Variants in NELL1 observed in about 807,000 individuals in gnomAD.
The protein encoded by NELL1 is protein kinase C-binding protein NELL1.
In NELL1, 76 loss-of-function variants were observed where a neutral mutation model predicts 107.4. That is an observed-to-expected ratio of 0.71 (90% confidence interval 0.59 to 0.86). The LOEUF (loss-of-function observed/expected upper bound fraction) is 0.86, where lower values mean the gene tolerates loss of function less well. Among genes scored for constraint, NELL1 ranks in the 40% least tolerant of loss-of-function variants. NELL1 has a pLI of 0.00. For missense variants in NELL1, 1,024 were observed against 1,005.5 expected (o/e 1.02, Z -0.25); for synonymous variants, 353 against 341.2 (o/e 1.03, Z -0.38).
At chr11:21,522,244 A>C (rs1008222115) in intron 15 of NELL1, among the ~76,000 whole-genome samples, 6 of 151,988 alleles carry the variant, frequency 3.9e-5, no homozygotes, top group East Asian at 1.9e-4. Flanking sequence ...AAAAAAAAAA[A>C]AAACAAACAA....
At chr11:21,563,750 G>T (rs1488493516) in intron 17 of NELL1, among the ~76,000 whole-genome samples, 1 of 151,940 alleles carries the variant, frequency 6.6e-6, no homozygotes, top group Non-Finnish European at 1.5e-5. Context: ...ATCCCCCAGA[G>T]ATACTGAGGG....
At chr11:21,398,158 A>G (rs1359416844) in intron 15 of NELL1, among the ~76,000 whole-genome samples, 2 of 151,648 alleles carry the variant, frequency 1.3e-5, no homozygotes, top group Non-Finnish European at 3.0e-5. Context: ...ACGAGATTAT[A>G]CTAGTGAAAA....
intron 9 of NELL1, among the ~76,000 whole-genome samples, chr11:20,936,053 T>C (rs1357177664): frequency 1.3e-5 from 2 of 152,138 alleles, no homozygotes; most frequent in Non-Finnish European, 2.9e-5. Flanking sequence ...TATTAGGAAG[T>C]GCTCTCAGGA....
At chr11:20,985,258 T>C (rs1421605884) in intron 12 of NELL1, among the ~76,000 whole-genome samples, 1 of 152,194 alleles carries the variant, frequency 6.6e-6, no homozygotes, top group Non-Finnish European at 1.5e-5. Flanking sequence ...AAAATTCCAG[T>C]AGTCAGTGAA....
chr11:21,394,120 T>G (rs540128474), intron 15 of NELL1, among the ~76,000 whole-genome samples: 3 of 151,614 alleles, frequency 2.0e-5, no homozygotes, highest in Admixed American at 6.6e-5. Context: ...CTCCAAGTAC[T>G]TCACATAAGT....
intron 15 of NELL1, among the ~76,000 whole-genome samples, chr11:21,465,123 A>T (rs1853994215): frequency 6.6e-6 from 1 of 152,038 alleles, no homozygotes; most frequent in Admixed American, 6.6e-5. Flanking sequence ...ATGTAATCTG[A>T]TGGTATTCAA....
intron 10 of NELL1, among the ~76,000 whole-genome samples, chr11:20,939,282 C>T (rs1182159814): frequency 6.6e-6 from 1 of 151,786 alleles, no homozygotes; most frequent in African/African-American, 2.4e-5. Flanking sequence ...GCCAAAACCT[C>T]CCCTGGCTAA....
At chr11:20,842,375 A>G (rs2134051128) in intron 3 of NELL1, among the ~76,000 whole-genome samples, 1 of 151,868 alleles carries the variant, frequency 6.6e-6, no homozygotes, top group Non-Finnish European at 1.5e-5. Context: ...TCCGTTTAAA[A>G]AAAAAAAAAA....
chr11:20,918,108 G>A, intron 5 of NELL1, 74 bp from the exon 6 acceptor site: 4 of 830,010 alleles, frequency 4.8e-6, no homozygotes, highest in Non-Finnish European at 8.5e-6. Flanking sequence ...CCTGCCAAGA[G>A]TATGTGATTG....
rs191750355 is a variant in NELL1, at chr11:21,358,454, C to T, written c.1550-12399C>T. Reference sequence around the variant, plus strand: ...TTGCACTGTCTCCCAGGCTGGAGTGCAGTGGCATGATCTCCGCTCACTGCA... The same window carrying T: ...TTGCACTGTCTCCCAGGCTGGAGTGTAGTGGCATGATCTCCGCTCACTGCA... On this transcript the variant is annotated intron_variant, in intron 14 of 19. Transcript: ENST00000357134. Among the ~76,000 whole-genome samples, 13 of 151,846 alleles carry T rather than the reference C, an allele frequency of 8.6e-5. No homozygotes were observed. The East Asian group carries it at 2.5e-3, about 29-fold the overall frequency.
At chr11:21,141,777 A>ATTT (rs1855874597) in intron 13 of NELL1, among the ~76,000 whole-genome samples, 1 of 150,234 alleles carries the variant, frequency 6.7e-6, no homozygotes, top group South Asian at 2.1e-4. Context: ...TTATTTATTT[A>ATTT]TTTGAGGTGG....
At chr11:21,132,260 G>A (rs1213173873) in intron 13 of NELL1, among the ~76,000 whole-genome samples, 2 of 152,110 alleles carry the variant, frequency 1.3e-5, no homozygotes, top group African/African-American at 4.8e-5. Flanking sequence ...GGGCAATGGG[G>A]AGGGTAATGT....
At chr11:21,088,739 G>C (rs80335760) in intron 12 of NELL1, among the ~76,000 whole-genome samples, 2,942 of 152,126 alleles carry the variant, frequency 0.019, 87 homozygotes, top group African/African-American at 0.064. Context: ...CTTCAAAATG[G>C]TTATAGAGGG....
At chr11:20,961,769 C>T (rs1851295581) in intron 12 of NELL1, among the ~76,000 whole-genome samples, 1 of 152,032 alleles carries the variant, frequency 6.6e-6, no homozygotes, top group Non-Finnish European at 1.5e-5. Flanking sequence ...GTGGATTCTG[C>T]AGAGCCTACT....
chr11:21,034,901 C>A (rs537813354), intron 12 of NELL1, among the ~76,000 whole-genome samples: 5 of 152,098 alleles, frequency 3.3e-5, no homozygotes, highest in South Asian at 2.1e-4. Flanking sequence ...CAGAGCTGAA[C>A]TGAAGGAGAT....
chr11:21,232,905 A>G (rs549512291), intron 14 of NELL1, among the ~76,000 whole-genome samples: 13 of 152,266 alleles, frequency 8.5e-5, no homozygotes, highest in African/African-American at 2.9e-4. Flanking sequence ...TGCCTGCTTC[A>G]GCCTCCCAAA....
rs150066751 is a variant in NELL1 at position 20,928,413 on chromosome 11, C to A, written c.931C>A (p.Pro311Thr). The change falls in exon 9 of 20, where the codon CCT becomes ACT. Residue 311 changes from proline (P) to threonine (T), a missense_variant. Physicochemically the swap from Pro to Thr is conservative, Grantham distance 38. Transcript: ENST00000357134. Reference sequence around the variant, plus strand: ...GGAATGCCGAAGGATGTCCTGTCCCCCTCTCAATTGCTCCCCAGACTCCCT... The same window carrying A: ...GGAATGCCGAAGGATGTCCTGTCCCACTCTCAATTGCTCCCCAGACTCCCT... The part of the protein sequence containing the change: ...AVECRRMSCP[P>T]LNCSPDSLPV... 17 of 1,614,068 alleles carry A rather than the reference C, an allele frequency of 1.1e-5. No homozygotes were observed. The East Asian group carries it at 2.9e-4, about 28-fold the overall frequency.
chr11:21,089,771 T>C (rs1854480020), intron 12 of NELL1, among the ~76,000 whole-genome samples: 1 of 152,218 alleles, frequency 6.6e-6, no homozygotes, highest in Non-Finnish European at 1.5e-5. Context: ...CATTCATCTT[T>C]AGGAATATTG....
chr11:20,862,605 C>CTTTTTTTTT lies in NELL1; in HGVS notation c.506+14867_506+14875dup, dbSNP rs386373288. On this transcript the variant is annotated intron_variant, in intron 4 of 19. Transcript: ENST00000357134. ...GCCCTAAAAATCTTTTGAGCTGCTG[C>CTTTTTTTTT]TTTTTTTTTTTTTTTTTTTTTTTAT... Among the ~76,000 whole-genome samples, 501 of 94,566 alleles carry CTTTTTTTTT rather than the reference C, an allele frequency of 5.3e-3. 2 individuals carry two copies. The highest frequency in any genetic ancestry group is 6.8e-3 in the Non-Finnish European group (354 of 51,888). The allele number at this position is 94,566 out of a possible 152,430, so 62.0% of individuals were successfully genotyped here. A position where few individuals can be genotyped will look rare whatever the true frequency, so the allele number is the denominator to read the frequency against.
Sources: allele counts gnomAD v4.1 joint callset (sites outside exome capture counted in the v4.1 genomes callset), GRCh38; gene constraint gnomAD v4.1.1; transcripts MANE v1.5; gene names NCBI Gene and HGNC (gene_info 2026-07-23, HGNC 2026-07-21).